MAPKAP1: variants seen among roughly 807,000 people sequenced by gnomAD.
MAPKAP1 encodes target of rapamycin complex 2 subunit MAPKAP1.
Under a neutral mutation model 65.7 loss-of-function variants are expected in MAPKAP1, and 20 were observed. That is an observed-to-expected ratio of 0.30 (90% confidence interval 0.21 to 0.44). The LOEUF (loss-of-function observed/expected upper bound fraction) is 0.44, where lower values mean the gene tolerates loss of function less well. Ranked by LOEUF, MAPKAP1 falls within the 20% of genes least tolerant of loss-of-function variation. The pLI, the probability that MAPKAP1 is intolerant of heterozygous loss-of-function variation, is 1.00. For synonymous variants in MAPKAP1, 222 were observed against 244.3 expected (o/e 0.91, Z 0.85); for missense variants, 423 against 648.0 (o/e 0.65, Z 3.77).
chr9:125,678,882 A>G (rs1834735216), intron 1 of MAPKAP1, among the ~76,000 whole-genome samples: 1 of 152,238 alleles, frequency 6.6e-6, no homozygotes, highest in Non-Finnish European at 1.5e-5. Context: ...AACTTGCCCA[A>G]AGCCAGACAG....
intron 7 of MAPKAP1, among the ~76,000 whole-genome samples, chr9:125,513,533 T>C (rs758188554): frequency 2.0e-5 from 3 of 152,224 alleles, no homozygotes; most frequent in Non-Finnish European, 4.4e-5. Context: ...GGAGTAACGC[T>C]GCCAGCTATG....
chr9:125,656,793 C>T (rs576359466), intron 4 of MAPKAP1, among the ~76,000 whole-genome samples: 56 of 152,304 alleles, frequency 3.7e-4, no homozygotes, highest in African/African-American at 1.3e-3. Context: ...CAAAAATCAA[C>T]CGCTACTGTC....
intron 1 of MAPKAP1, among the ~76,000 whole-genome samples, chr9:125,703,903 T>C (rs1034403606): frequency 6.6e-6 from 1 of 152,172 alleles, no homozygotes; most frequent in South Asian, 2.1e-4. Flanking sequence ...TTAGGCTGAA[T>C]CATATAAATC....
intron 10 of MAPKAP1, among the ~76,000 whole-genome samples, chr9:125,455,280 TATA>T (rs1853122704): frequency 6.6e-6 from 1 of 152,140 alleles, no homozygotes; most frequent in South Asian, 2.1e-4. Context: ...GTTAGAATTA[TATA>T]ATAAGTGTAG....
At chr9:125,665,350 G>C (rs748658871) in intron 3 of MAPKAP1, among the ~76,000 whole-genome samples, 3 of 151,970 alleles carry the variant, frequency 2.0e-5, no homozygotes, top group Non-Finnish European at 4.4e-5. Flanking sequence ...TAAACTTAGT[G>C]GCTAACATAC....
At chr9:125,618,846 C>A (rs1832818066) in intron 4 of MAPKAP1, among the ~76,000 whole-genome samples, 1 of 152,180 alleles carries the variant, frequency 6.6e-6, no homozygotes, top group Admixed American at 6.5e-5. Context: ...GAAAATTTGT[C>A]TTAGGCTGGG....
At chr9:125,695,029 A>T (rs546102411) in intron 1 of MAPKAP1, among the ~76,000 whole-genome samples, 2 of 152,338 alleles carry the variant, frequency 1.3e-5, no homozygotes, top group African/African-American at 4.8e-5. Context: ...TTTTTATACC[A>T]ACAATGTGAA....
rs1034598846 is a variant in MAPKAP1 at position 125,439,095 on chromosome 9, C to T, written c.1444-83G>A. On this transcript the variant is annotated intron_variant, in intron 11 of 11. Transcript: ENST00000265960. The surrounding 1 kb of genome is among the most constrained non-coding windows in gnomAD (Gnocchi z 4.0). ...GCATCGGAGGGGGTGGCAGGGAAGGCCCTGACCTGGGCCGGGTGCCTCAGG... is the reference window on the plus strand; with the variant it reads ...GCATCGGAGGGGGTGGCAGGGAAGGTCCTGACCTGGGCCGGGTGCCTCAGG... 2.3e-5 allele frequency: 36 copies of T among 1,548,292 alleles called. 1 individual carries two copies. In the Middle Eastern group the frequency reaches 1.9e-3, roughly 81 times the overall value.
At chr9:125,455,638 A>C (rs1399289273) in intron 10 of MAPKAP1, among the ~76,000 whole-genome samples, 1 of 152,254 alleles carries the variant, frequency 6.6e-6, no homozygotes, top group East Asian at 1.9e-4. Flanking sequence ...ATTTCACTTA[A>C]ATGGGATCCA....
chr9:125,684,434 T>G (rs1270763588), intron 1 of MAPKAP1, among the ~76,000 whole-genome samples: 1 of 152,140 alleles, frequency 6.6e-6, no homozygotes, highest in Non-Finnish European at 1.5e-5. Context: ...ATATGAATAA[T>G]GCCAAGCTTG....
chr9:125,497,493 C>T (rs1203553259), intron 8 of MAPKAP1, among the ~76,000 whole-genome samples: 1 of 152,218 alleles, frequency 6.6e-6, no homozygotes, highest in Non-Finnish European at 1.5e-5. Flanking sequence ...CAAATCACTT[C>T]ACCCCTCAGT....
intron 7 of MAPKAP1, among the ~76,000 whole-genome samples, chr9:125,520,074 G>A (rs1829576634): frequency 6.6e-6 from 1 of 152,170 alleles, no homozygotes; most frequent in Non-Finnish European, 1.5e-5. Context: ...TGAAGTCCTA[G>A]CTCCACCACT....
chr9:125,477,829 G>C (rs923401365), intron 9 of MAPKAP1, among the ~76,000 whole-genome samples: 1 of 152,156 alleles, frequency 6.6e-6, no homozygotes, highest in Non-Finnish European at 1.5e-5. Context: ...CCTCCCTCAA[G>C]TGGTTAGGCA....
chr9:125,639,189 C>T (rs1035660351), intron 4 of MAPKAP1, among the ~76,000 whole-genome samples: 1 of 152,030 alleles, frequency 6.6e-6, no homozygotes, highest in Non-Finnish European at 1.5e-5. Context: ...TGCAGGGAGC[C>T]GAGAATGCAC....
At chr9:125,687,617 A>AC in intron 1 of MAPKAP1, among the ~76,000 whole-genome samples, 1 of 151,382 alleles carries the variant, frequency 6.6e-6, no homozygotes, top group Non-Finnish European at 1.5e-5. Flanking sequence ...CCTATACAAA[A>AC]AAAAAAAAAA....
At chr9:125,641,322 A>G (rs1833571144) in intron 4 of MAPKAP1, among the ~76,000 whole-genome samples, 1 of 152,224 alleles carries the variant, frequency 6.6e-6, no homozygotes, top group South Asian at 2.1e-4. Context: ...TTAATCAAGA[A>G]AAGATAATTA....
At chr9:125,651,745 G>T (rs922467233) in intron 4 of MAPKAP1, among the ~76,000 whole-genome samples, 3 of 152,192 alleles carry the variant, frequency 2.0e-5, no homozygotes, top group Non-Finnish European at 2.9e-5. Context: ...AACTCTTACT[G>T]AAAGGAGCAG....
chr9:125,534,140 A>G (rs1338222637), intron 7 of MAPKAP1, among the ~76,000 whole-genome samples: 1 of 152,210 alleles, frequency 6.6e-6, no homozygotes, highest in Non-Finnish European at 1.5e-5. Flanking sequence ...GTACCTTGAC[A>G]GATGTTGAAT....
intron 6 of MAPKAP1, among the ~76,000 whole-genome samples, chr9:125,554,045 AG>A (rs1780484790): frequency 6.6e-6 from 1 of 152,154 alleles, no homozygotes; most frequent in Non-Finnish European, 1.5e-5. Context: ...TCAAAAAAAA[AG>A]TTTGCCAACC....
Sources: allele counts gnomAD v4.1 joint callset (sites outside exome capture counted in the v4.1 genomes callset), GRCh38; gene constraint gnomAD v4.1.1; non-coding constraint Gnocchi (gnomAD v3.1); transcripts MANE v1.5; gene names NCBI Gene and HGNC (gene_info 2026-07-23, HGNC 2026-07-21).